Variants in GPR39 observed in about 807,000 individuals in gnomAD.
GPR39 encodes the protein G protein-coupled receptor 39.
A neutral mutation model predicts 18.4 loss-of-function variants in GPR39; 23 were observed. The observed-to-expected ratio is 1.25, with a 90% CI of 0.90 to 1.77. GPR39 has a LOEUF of 1.77. GPR39 is among the 40% of genes most tolerant of loss of function. The probability of loss-of-function intolerance (pLI) is 0.00; values close to 1 mark genes in which losing one functional copy is unlikely to be tolerated. For missense variants in GPR39, 647 were observed against 602.4 expected (o/e 1.07, Z -0.78); for synonymous variants, 280 against 257.9 (o/e 1.09, Z -0.82).
At chr2:132,556,985 T>C (rs1188420098) in intron 1 of GPR39, among the ~76,000 whole-genome samples, 1 of 152,202 alleles carries the variant, frequency 6.6e-6, no homozygotes, top group East Asian at 1.9e-4. Context: ...CAATTCACCT[T>C]GTAGAGGGCT....
chr2:132,446,722 CA>C (rs1210628686), intron 1 of GPR39, among the ~76,000 whole-genome samples: 1 of 151,848 alleles, frequency 6.6e-6, no homozygotes, highest in Non-Finnish European at 1.5e-5. Context: ...AGAGGTGGAG[CA>C]GGGGCAGTAA....
intron 1 of GPR39, among the ~76,000 whole-genome samples, chr2:132,596,336 T>G (rs891882510): frequency 6.6e-6 from 1 of 152,024 alleles, no homozygotes; most frequent in African/African-American, 2.4e-5. Flanking sequence ...CTTACTCCCC[T>G]TTTCCTTTTC....
In GPR39 at chr2:132,535,695, C is replaced by CTTTTTTTTTTTTTT. The variant is rs753801511; in HGVS notation, c.857-109395_857-109394insTTTTTTTTTTTTTT. 3.5e-3 allele frequency among the ~76,000 whole-genome samples: 339 copies of CTTTTTTTTTTTTTT among 96,434 alleles called. 36 individuals carry two copies. The East Asian group carries it at 0.037, about 10-fold the overall frequency. 63.3% of individuals were successfully genotyped at this position (96,434 alleles called of 152,430 possible). On this transcript the variant is annotated intron_variant, in intron 1 of 1. Coordinates refer to ENST00000329321, the MANE Select transcript of GPR39 (RefSeq NM_001508.3). ...GGCTGTGAATCCATCTGGTCCTGGG[C>CTTTTTTTTTTTTTT]TTTTTTTTTTTGGTTGGTAGGCTAT...
intron 1 of GPR39, among the ~76,000 whole-genome samples, chr2:132,479,883 CAAAG>C (rs767130214): frequency 9.9e-5 from 15 of 151,582 alleles, no homozygotes; most frequent in Admixed American, 2.6e-4. Flanking sequence ...ATCCAGGTCT[CAAAG>C]AAATATTTGT....
At chr2:132,438,354 G>C (rs1680369882) in intron 1 of GPR39, among the ~76,000 whole-genome samples, 1 of 152,114 alleles carries the variant, frequency 6.6e-6, no homozygotes, top group Non-Finnish European at 1.5e-5. Flanking sequence ...GGCTGGCCTT[G>C]AACTCCTGGG....
chr2:132,591,300 G>A (rs1202803235), intron 1 of GPR39, among the ~76,000 whole-genome samples: 1 of 143,738 alleles, frequency 7.0e-6, no homozygotes, highest in Non-Finnish European at 1.5e-5. Flanking sequence ...GAGGAACATT[G>A]TAGGACTAGA....
At chr2:132,529,458 AC>A (rs1679571917) in intron 1 of GPR39, among the ~76,000 whole-genome samples, 1 of 152,192 alleles carries the variant, frequency 6.6e-6, no homozygotes, top group South Asian at 2.1e-4. Context: ...GGCAGCAGTA[AC>A]CTCTGCAGAC....
intron 1 of GPR39, among the ~76,000 whole-genome samples, chr2:132,474,367 G>A (rs145617496): frequency 6.6e-6 from 1 of 152,284 alleles, no homozygotes; most frequent in African/African-American, 2.4e-5. Context: ...AGCTTGAGTA[G>A]GGGTGCACAA....
chr2:132,622,834 G>T (rs1681466156), intron 1 of GPR39, among the ~76,000 whole-genome samples: 1 of 152,170 alleles, frequency 6.6e-6, no homozygotes, highest in African/African-American at 2.4e-5. Flanking sequence ...AGACCTGTTG[G>T]CCAGGTGCGG....
chr2:132,566,597 A>G (rs539209763), intron 1 of GPR39, among the ~76,000 whole-genome samples: 1 of 152,314 alleles, frequency 6.6e-6, no homozygotes, highest in East Asian at 1.9e-4. Flanking sequence ...TCCATGACCC[A>G]TGAAACGTTT....
At chr2:132,644,978 C>T in intron 1 of GPR39, 123 bp from the exon 2 acceptor site, 1 of 1,128,182 alleles carries the variant, frequency 8.9e-7, no homozygotes, top group Non-Finnish European at 1.2e-6. Context: ...AAAATTGGTA[C>T]CATTTCCTGG....
intron 1 of GPR39, among the ~76,000 whole-genome samples, chr2:132,591,227 C>T (rs1443012285): frequency 3.8e-5 from 5 of 132,098 alleles, no homozygotes; most frequent in South Asian, 2.7e-4. Context: ...GTCCGCAGTC[C>T]GGCCTGGGCG....
intron 1 of GPR39, among the ~76,000 whole-genome samples, chr2:132,442,272 T>C (rs1259488058): frequency 1.3e-5 from 2 of 152,172 alleles, no homozygotes; most frequent in African/African-American, 4.8e-5. Context: ...GATCACTCCC[T>C]TAGAAGCATG....
intron 1 of GPR39, among the ~76,000 whole-genome samples, chr2:132,449,052 C>T (rs1006228987): frequency 1.3e-5 from 2 of 152,142 alleles, no homozygotes; most frequent in East Asian, 3.9e-4. Flanking sequence ...GGTATTAAAC[C>T]CTCTTGAGCT....
intron 1 of GPR39, among the ~76,000 whole-genome samples, chr2:132,492,499 T>G (rs1681497108): frequency 7.0e-6 from 1 of 142,950 alleles, no homozygotes; most frequent in African/African-American, 2.5e-5. Context: ...ACACCATATA[T>G]ACACACCATA....
intron 1 of GPR39, 126 bp downstream of exon 1, chr2:132,418,024 T>C: frequency 8.3e-7 from 1 of 1,205,640 alleles, no homozygotes; most frequent in Non-Finnish European, 1.1e-6. Context: ...TTTACTAAGG[T>C]GGAAGAGTCT....
chr2:132,586,355 C>T (rs1032296784), intron 1 of GPR39, among the ~76,000 whole-genome samples: 1 of 152,168 alleles, frequency 6.6e-6, no homozygotes, highest in Admixed American at 6.5e-5. Flanking sequence ...CATTGTAAAA[C>T]GGTCTGGTGA....
intron 1 of GPR39, among the ~76,000 whole-genome samples, chr2:132,636,613 G>A (rs1573711564): frequency 6.6e-6 from 1 of 152,342 alleles, no homozygotes; most frequent in South Asian, 2.1e-4. Flanking sequence ...CTCATGGGCT[G>A]TGTAAATTTG....
At chr2:132,463,956 G>A (rs949042004) in intron 1 of GPR39, among the ~76,000 whole-genome samples, 2 of 152,294 alleles carry the variant, frequency 1.3e-5, no homozygotes, top group East Asian at 3.9e-4. Flanking sequence ...CTTCCTGTAA[G>A]CAGCCTCAGG....
Sources: gnomAD v4.1 joint callset for allele counts (sites outside exome capture counted in the v4.1 genomes callset) on GRCh38, gnomAD v4.1.1 for gene constraint, MANE v1.5 for transcripts, NCBI Gene and HGNC (gene_info 2026-07-23, HGNC 2026-07-21) for gene names.